MYO18A: variants seen among roughly 807,000 people sequenced by gnomAD.
MYO18A encodes unconventional myosin-XVIIIa.
MYO18A carries 78 observed loss-of-function variants against 235.8 expected under a neutral mutation model. That is an observed-to-expected ratio of 0.33 (90% CI 0.28 to 0.40). The LOEUF (loss-of-function observed/expected upper bound fraction) is 0.40. Among genes scored for constraint, MYO18A ranks in the 10% least tolerant of loss-of-function variants. The pLI, the probability that MYO18A is intolerant of heterozygous loss-of-function variation, is 1.00. For missense variants in MYO18A, 2,215 were observed against 2,699.3 expected (o/e 0.82, Z 3.98); for synonymous variants, 977 against 1,077.8 (o/e 0.91, Z 1.83).
chr17:29,093,237 C>T (rs1018656864), intron 32 of MYO18A, 86 bp downstream of exon 32: 32 of 1,266,774 alleles, frequency 2.5e-5, no homozygotes, highest in Middle Eastern at 2.1e-4. Flanking sequence ...CAGCTCTGTT[C>T]GTGGCTCCCC....
intron 41 of MYO18A, 146 bp from the exon 42 acceptor site, chr17:29,075,060 T>A (rs2065942070): frequency 1.1e-6 from 1 of 891,918 alleles, no homozygotes; most frequent in Admixed American, 2.8e-5. Flanking sequence ...CTTGGCTTAC[T>A]TAGAAGATAC....
chr17:29,117,945 G>A lies in MYO18A; in HGVS notation c.2038+100C>T, dbSNP rs1331524342. The stretch of plus-strand genomic sequence containing the variant: ...AAGCAAAAGAGGGTTGTCTCAGAAC[G>A]GCTAAGTCTGTGCTGGGCAAGAATA... On this transcript the variant is annotated intron_variant, in intron 10 of 41. Coordinates refer to ENST00000527372, the MANE Select transcript of MYO18A (RefSeq NM_078471.4). This position sits in a 1 kb window ranked among gnomAD's most constrained non-coding sequence, Gnocchi z 4.6. The A allele has an allele frequency of 2.2e-5, 30 of 1,369,272 alleles. No homozygotes were observed. In the South Asian group the frequency reaches 2.6e-4, roughly 12 times the overall value. The allele number at this position is 1,369,272 out of a possible 1,614,324, so 84.8% of individuals were successfully genotyped here.
rs2067131981 is a variant in MYO18A at position 29,118,733 on chromosome 17, G to A, written c.1830-293C>T. The stretch of plus-strand genomic sequence containing the variant: ...CCGAAGGGTGAGTCCCGCCAAGGCA[G>A]AGACGATGCCCTCAGTTACAAGAAG... On this transcript the variant is annotated intron_variant, in intron 8 of 41. Coordinates refer to ENST00000527372, the MANE Select transcript of MYO18A (RefSeq NM_078471.4). The surrounding 1 kb of genome is among the most constrained non-coding windows in gnomAD (Gnocchi z 4.2). Among the ~76,000 whole-genome samples, 1 of 152,284 alleles carries A rather than the reference G, an allele frequency of 6.6e-6. No individual in the cohort carries two copies. Among genetic ancestry groups the A allele is most frequent in the African/African-American group, 2.4e-5 (1 of 41,476 alleles).
chr17:29,083,506 C>CACACA (rs2066168985), intron 40 of MYO18A, among the ~76,000 whole-genome samples: 2 of 75,946 alleles, frequency 2.6e-5, no homozygotes, highest in African/African-American at 6.9e-5. Flanking sequence ...AAATAAACAG[C>CACACA]CACACAGGCA....
At chr17:29,080,692 G>A in intron 41 of MYO18A, 1 of 985,426 alleles carries the variant, frequency 1.0e-6, no homozygotes, top group Non-Finnish European at 1.2e-6. Context: ...GGTGGAGGCC[G>A]GGCTGAAGTC....
chr17:29,114,127 A>T, intron 14 of MYO18A, 30 bp from the exon 15 acceptor site: 1 of 1,532,496 alleles, frequency 6.5e-7, no homozygotes, highest in Non-Finnish European at 8.9e-7. Flanking sequence ...GGTAGTGAGC[A>T]TGGGGGTCAC....
chr17:29,091,057 G>A, intron 34 of MYO18A, 131 bp from the exon 35 acceptor site: 3 of 696,112 alleles, frequency 4.3e-6, no homozygotes, highest in Non-Finnish European at 7.3e-6. Context: ...GTGGGTCCCA[G>A]GACTAGTGAT....
intron 2 of MYO18A, among the ~76,000 whole-genome samples, chr17:29,163,870 T>C (rs1160822125): frequency 6.6e-6 from 1 of 152,242 alleles, no homozygotes. Context: ...CAGACAGGCA[T>C]GGCAACATGT....
In MYO18A at chr17:29,125,406, G is replaced by GCAAACCCTGTGGC. The variant is rs2067297817; in HGVS notation, c.1000-3166_1000-3154dup. On this transcript the variant is annotated intron_variant, in intron 2 of 41. Coordinates refer to ENST00000527372, the MANE Select transcript of MYO18A (RefSeq NM_078471.4). The surrounding 1 kb of genome is among the most constrained non-coding windows in gnomAD (Gnocchi z 5.1). ...CTGCCCAAGAGCAAAGGCACTGTGG[G>GCAAACCCTGTGGC]CAAACCCTGTGGCCAGCCGTGACCT... Among the ~76,000 whole-genome samples the GCAAACCCTGTGGC allele has an allele frequency of 6.6e-6, 1 of 152,188 alleles. No individual in the cohort carries two copies. The highest frequency in any genetic ancestry group is 2.1e-4 in the South Asian group (1 of 4,836).
intron 36 of MYO18A, 121 bp downstream of exon 36, chr17:29,090,411 C>T (rs1166440409): frequency 5.7e-6 from 5 of 878,744 alleles, no homozygotes; most frequent in Non-Finnish European, 7.0e-6. Flanking sequence ...TCCTCATTTA[C>T]GCTGCTCTGT....
At chr17:29,083,686 G>C (rs551277954) in intron 40 of MYO18A, among the ~76,000 whole-genome samples, 2 of 152,104 alleles carry the variant, frequency 1.3e-5, no homozygotes, top group Admixed American at 6.5e-5. Context: ...CTGATGCCCC[G>C]GGTAAACAGG....
intron 2 of MYO18A, 124 bp downstream of exon 2, chr17:29,165,818 G>T: frequency 3.2e-6 from 3 of 926,904 alleles, no homozygotes; most frequent in Non-Finnish European, 4.8e-6. Flanking sequence ...GAGCAGCAGG[G>T]CTTCCCCACT....
Position 29,097,803 on chromosome 17 carries a change from C to G in MYO18A, c.4087G>C (p.Asp1363His). ...IRAAEINGEV[D>H]DDDAGGEWRL... ...TCAGGCCCACCTGCATCATCATCATCCACTTCCCCGTTGATCTCCGCTGCC... is the reference window on the plus strand; with the variant it reads ...TCAGGCCCACCTGCATCATCATCATGCACTTCCCCGTTGATCTCCGCTGCC... Residue 1363 changes from aspartate (D) to histidine (H), a missense_variant, in exon 26 of 42, where the codon GAT becomes CAT. By Grantham distance (81) the Asp-to-His change is moderately conservative. Transcript: ENST00000527372. 6.2e-7 allele frequency: 1 copy of G among 1,612,698 alleles called. No homozygotes were observed. Among genetic ancestry groups the G allele is most frequent in the Non-Finnish European group, 8.5e-7 (1 of 1,179,206 alleles).
chr17:29,109,893 G>T lies in MYO18A; in HGVS notation c.3296C>A (p.Ser1099Tyr). The change falls in exon 19 of 42, where the codon TCC becomes TAC. Residue 1099 changes from serine to tyrosine, a missense_variant. Coordinates refer to ENST00000527372, the MANE Select transcript of MYO18A (RefSeq NM_078471.4). This position sits in a 1 kb window ranked among gnomAD's most constrained non-coding sequence, Gnocchi z 4.1. ...CATGCGCATGGCATCGAGCAGGCGG[G>T]AGCCGCGGAGCTGGGTGCGGAGCAG... is the stretch of plus-strand genomic sequence containing the variant. ...VPLLRTQLRG[S>Y]RLLDAMRMYR... 6.4e-7 allele frequency: 1 copy of T among 1,571,842 alleles called. No homozygotes were observed. The highest frequency in any genetic ancestry group is 8.6e-7 in the Non-Finnish European group (1 of 1,158,598).
In MYO18A at chr17:29,097,407, C is replaced by T. The variant is rs1170300755; in HGVS notation, c.4103-57G>A. 5.2e-5 allele frequency: 82 copies of T among 1,592,106 alleles called. No individual in the cohort carries two copies. The East Asian group carries it at 6.5e-4, about 13-fold the overall frequency. On this transcript the variant is annotated intron_variant, in intron 26 of 41. Transcript: ENST00000527372. ...AGGTGCTGAGAGTCCCCAGAAGGGGCAGAGGGGAAGGAGGATGGGGCAGGG... is the reference window on the plus strand; with the variant it reads ...AGGTGCTGAGAGTCCCCAGAAGGGGTAGAGGGGAAGGAGGATGGGGCAGGG...
chr17:29,074,219 GC>G lies in MYO18A; in HGVS notation c.*550del. ...TGACATTCCCGAGTCGTTCTTGGGA[GC>G]CCCAGCTACCACTACAGCCCCCTCC... On this transcript the variant is annotated 3_prime_UTR_variant, in exon 42 of 42. Transcript: ENST00000527372. This position sits in a 1 kb window ranked among gnomAD's most constrained non-coding sequence, Gnocchi z 4.4. The G allele has an allele frequency of 6.4e-7, 1 of 1,571,096 alleles. No homozygotes were observed. The highest frequency in any genetic ancestry group is 8.7e-7 in the Non-Finnish European group (1 of 1,154,720).
intron 2 of MYO18A, among the ~76,000 whole-genome samples, chr17:29,154,962 C>T (rs997987237): frequency 2.6e-5 from 4 of 152,320 alleles, no homozygotes; most frequent in South Asian, 2.1e-4. Context: ...CCCTTCCCCT[C>T]GCCATGTCCC....
intron 2 of MYO18A, among the ~76,000 whole-genome samples, chr17:29,154,130 G>A (rs978203390): frequency 6.6e-6 from 1 of 151,396 alleles, no homozygotes; most frequent in African/African-American, 2.5e-5. Context: ...GTGCGCGCGC[G>A]TGCGTGTGTA....
chr17:29,092,338 C>A lies in MYO18A; in HGVS notation c.5187+5G>T. 6.2e-7 allele frequency: 1 copy of A among 1,607,470 alleles called. No individual in the cohort carries two copies. ...AGCTCTGCCCCGGGCACCTTGGCCC[C>A]TCACCGCTGTCTTGGCTTTGGCGAT... is the stretch of plus-strand genomic sequence containing the variant. On this transcript the variant is annotated splice_donor_5th_base_variant and intron_variant, in intron 34 of 41. Transcript: ENST00000527372.
Sources: gnomAD v4.1 joint callset for allele counts (sites outside exome capture counted in the v4.1 genomes callset) on GRCh38, gnomAD v4.1.1 for gene constraint, Gnocchi (gnomAD v3.1) non-coding constraint, MANE v1.5 for transcripts, NCBI Gene and HGNC (gene_info 2026-07-23, HGNC 2026-07-21) for gene names.